The following STIMATE variants were observed in gnomAD, a reference collection of about 807,000 sequenced individuals.
The protein encoded by STIMATE is store-operated calcium entry regulator STIMATE.
A neutral mutation model predicts 36.7 loss-of-function variants in STIMATE; 15 were observed. The observed-to-expected ratio is 0.41, with a 90% CI of 0.27 to 0.63. The LOEUF (loss-of-function observed/expected upper bound fraction) is 0.63, where lower values mean the gene tolerates loss of function less well. STIMATE is among the 20% of genes least tolerant of loss of function. The pLI is 0.32. For synonymous variants in STIMATE, 163 were observed against 162.3 expected (o/e 1.00, Z -0.03); for missense variants, 305 against 397.3 (o/e 0.77, Z 1.98).
chr3:52,893,044 T>C (rs11713479), intron 1 of STIMATE, among the ~76,000 whole-genome samples: 16,661 of 149,068 alleles, frequency 0.11, 968 homozygotes, highest in Non-Finnish European at 0.13. Context: ...GCCAGAAACA[T>C]TGAAAAAAAA....
Position 52,838,475 on chromosome 3 carries a change from C to T in STIMATE, c.*2019G>A, listed in dbSNP as rs1700744167. ...TGCCATGAGGGAATGACCGTCCTGT[C>T]AGGAACATGAGTCTTGGTCTTCCTA... On this transcript the variant is annotated 3_prime_UTR_variant, in exon 8 of 8. Transcript: ENST00000355083. The T allele has an allele frequency of 6.6e-6, 1 of 152,206 alleles. No homozygotes were observed. Among genetic ancestry groups the T allele is most frequent in the South Asian group, 2.1e-4 (1 of 4,830 alleles). 9.4% of individuals were successfully genotyped at this position (152,206 alleles called of 1,614,324 possible).
chr3:52,855,541 TA>T lies in STIMATE; in HGVS notation c.161-98del, dbSNP rs1310806254. 35 of 1,533,622 alleles carry T rather than the reference TA, an allele frequency of 2.3e-5. No individual in the cohort carries two copies. The East Asian group carries it at 7.9e-4, about 35-fold the overall frequency. ...GTTATCAGTCTACTCACTGTGTGTA[TA>T]ACCAAGGTAATACACACACTCTTTT... is the stretch of plus-strand genomic sequence containing the variant. On this transcript the variant is annotated intron_variant, in intron 1 of 7. Transcript: ENST00000355083.
intron 1 of STIMATE, among the ~76,000 whole-genome samples, chr3:52,876,244 G>A (rs1559497038): frequency 6.6e-6 from 1 of 152,156 alleles, no homozygotes; most frequent in Non-Finnish European, 1.5e-5. Context: ...AGTCCAACAG[G>A]CAGCAAGCAC....
At chr3:52,856,768 T>C (rs1701105753) in intron 1 of STIMATE, among the ~76,000 whole-genome samples, 3 of 152,196 alleles carry the variant, frequency 2.0e-5, no homozygotes, top group East Asian at 1.9e-4. Context: ...AACAACCTGA[T>C]TGGTCTTGGA....
At chr3:52,871,027 C>A (rs1701395338) in intron 1 of STIMATE, among the ~76,000 whole-genome samples, 1 of 152,070 alleles carries the variant, frequency 6.6e-6, no homozygotes, top group Non-Finnish European at 1.5e-5. Flanking sequence ...TCCCCAGCAA[C>A]CTTCACACTT....
chr3:52,877,011 G>C (rs1701512336), intron 1 of STIMATE, among the ~76,000 whole-genome samples: 1 of 152,226 alleles, frequency 6.6e-6, no homozygotes, highest in Admixed American at 6.5e-5. Flanking sequence ...TTCAAGGCTT[G>C]TGATAAAAAG....
chr3:52,890,773 T>A (rs887066145), intron 1 of STIMATE, among the ~76,000 whole-genome samples: 5 of 152,238 alleles, frequency 3.3e-5, no homozygotes, highest in Non-Finnish European at 7.3e-5. Flanking sequence ...GGAAATGAAC[T>A]CTGTGAAACT....
At chr3:52,866,430 C>T (rs76511274) in intron 1 of STIMATE, among the ~76,000 whole-genome samples, 1,889 of 152,348 alleles carry the variant, frequency 0.012, 51 homozygotes, top group African/African-American at 0.044. Context: ...TCTCTCCTCT[C>T]GGACATGAGC....
At chr3:52,843,442 G>A (rs1018345782) in intron 6 of STIMATE, among the ~76,000 whole-genome samples, 10 of 152,266 alleles carry the variant, frequency 6.6e-5, no homozygotes, top group South Asian at 2.1e-4. Context: ...AGAGGCTGGC[G>A]CTACACATGG....
intron 1 of STIMATE, among the ~76,000 whole-genome samples, chr3:52,872,417 A>G (rs768411893): frequency 2.4e-4 from 37 of 152,320 alleles, no homozygotes; most frequent in Non-Finnish European, 4.3e-4. Flanking sequence ...AATTTCTGTG[A>G]TGGGTTCTCC....
rs897451411 is a variant in STIMATE at position 52,892,938 on chromosome 3, G to T, written c.160+4353C>A. On this transcript the variant is annotated intron_variant, in intron 1 of 7. Coordinates refer to ENST00000355083, the MANE Select transcript of STIMATE (RefSeq NM_198563.5). ...CTCCAGACCAAACTCAGGAAAACAG[G>T]GGCCAGTGAAACAATTCAAACACCA... 2.6e-5 allele frequency among the ~76,000 whole-genome samples: 4 copies of T among 152,038 alleles called. No homozygotes were observed. In the South Asian group the frequency reaches 8.3e-4, roughly 32 times the overall value.
At chr3:52,859,690 GA>G (rs1701181880) in intron 1 of STIMATE, among the ~76,000 whole-genome samples, 2 of 149,666 alleles carry the variant, frequency 1.3e-5, no homozygotes, top group African/African-American at 4.9e-5. Context: ...AAAAAAGAGA[GA>G]AAAAAAGAAA....
chr3:52,844,602 T>C (rs891989615), intron 5 of STIMATE, among the ~76,000 whole-genome samples: 1 of 152,230 alleles, frequency 6.6e-6, no homozygotes, highest in Non-Finnish European at 1.5e-5. Context: ...CTGTATTTCA[T>C]TAGTTTTATA....
At chr3:52,893,849 A>T (rs1701822432) in intron 1 of STIMATE, among the ~76,000 whole-genome samples, 1 of 152,218 alleles carries the variant, frequency 6.6e-6, no homozygotes. Flanking sequence ...CAGAACCCTG[A>T]CTGTGCACGG....
chr3:52,888,675 C>G (rs1701733535), intron 1 of STIMATE, among the ~76,000 whole-genome samples: 1 of 152,142 alleles, frequency 6.6e-6, no homozygotes, highest in Admixed American at 6.5e-5. Flanking sequence ...CACAGATGAG[C>G]TGAAGAGGCC....
intron 7 of STIMATE, 29 bp downstream of exon 7, chr3:52,842,782 G>A (rs1282502758): frequency 3.1e-6 from 5 of 1,613,518 alleles, no homozygotes; most frequent in Non-Finnish European, 4.2e-6. Context: ...ACGACGGCTT[G>A]GGCCCTTGGA....
chr3:52,891,955 T>G (rs952391363), intron 1 of STIMATE, among the ~76,000 whole-genome samples: 1 of 152,172 alleles, frequency 6.6e-6, no homozygotes, highest in Non-Finnish European at 1.5e-5. Context: ...TATTACCACA[T>G]GTTACTGGGG....
At chr3:52,847,031 G>A (rs1300200025) in intron 4 of STIMATE, among the ~76,000 whole-genome samples, 3 of 152,062 alleles carry the variant, frequency 2.0e-5, no homozygotes, top group South Asian at 2.1e-4. Context: ...AGCCTCCCAA[G>A]TACCTGGGAC....
chr3:52,887,350 CTGTGT>C (rs1045178832), intron 1 of STIMATE, among the ~76,000 whole-genome samples: 1 of 152,224 alleles, frequency 6.6e-6, no homozygotes, highest in African/African-American at 2.4e-5. Context: ...TCAGGTGGCA[CTGTGT>C]GCCAGCACAG....
Sources: gnomAD v4.1 joint callset for allele counts (sites outside exome capture counted in the v4.1 genomes callset) on GRCh38, gnomAD v4.1.1 for gene constraint, MANE v1.5 for transcripts, NCBI Gene and HGNC (gene_info 2026-07-23, HGNC 2026-07-21) for gene names.